The following SLC8A1 variants were observed in gnomAD, a reference collection of about 807,000 sequenced individuals.
SLC8A1 encodes sodium/calcium exchanger 1.
A neutral mutation model predicts 68.3 loss-of-function variants in SLC8A1; 18 were observed. The ratio of observed to expected loss-of-function variants is 0.26; its 90% CI spans 0.18 to 0.39. SLC8A1 has a LOEUF of 0.39. SLC8A1 is among the 10% of genes least tolerant of loss of function. The pLI, the probability that SLC8A1 is intolerant of heterozygous loss-of-function variation, is 1.00. For synonymous variants in SLC8A1, 475 were observed against 415.5 expected, an observed-to-expected ratio of 1.14 and a Z score of -1.74; for missense variants, 985 against 1,156.7, an observed-to-expected ratio of 0.85 and a Z score of 2.15.
chr2:40,165,096 G>GC, intron 4 of SLC8A1, 112 bp from the exon 8 acceptor site: 2 of 1,360,684 alleles, frequency 1.5e-6, no homozygotes, highest in Non-Finnish European at 2.0e-6. Context: ...ACCTACTAAA[G>GC]CCCCCTGGGT....
At chr2:40,169,271 G>A (rs761520515) in intron 4 of SLC8A1, among the ~76,000 whole-genome samples, 2 of 152,150 alleles carry the variant, frequency 1.3e-5, no homozygotes, top group Non-Finnish European at 2.9e-5. Context: ...TACAAACAAC[G>A]TAGAATTTGG....
Position 40,243,102 on chromosome 2 carries a change from C to T in SLC8A1, c.1809-65247G>A, listed in dbSNP as rs185723218. ...GACATTGAAGGCTCATTTCATTGCC[C>T]TTAGTTTCTACATATCATAGCTGTG... On this transcript the variant is annotated intron_variant, in intron 2 of 7. Transcript: ENST00000406785. Among the ~76,000 whole-genome samples, 113 of 152,278 alleles carry T rather than the reference C, an allele frequency of 7.4e-4. 1 individual carries two copies. Among genetic ancestry groups the T allele is most frequent in the African/African-American group, 2.7e-3 (111 of 41,536 alleles).
chr2:40,373,995 C>G (rs546566620), intron 2 of SLC8A1, among the ~76,000 whole-genome samples: 1 of 152,116 alleles, frequency 6.6e-6, no homozygotes, highest in Non-Finnish European at 1.5e-5. Flanking sequence ...GAAGAGGTAT[C>G]AGATACACTC....
At chr2:40,402,163 C>T (rs148748964) in intron 2 of SLC8A1, among the ~76,000 whole-genome samples, 2 of 152,198 alleles carry the variant, frequency 1.3e-5, no homozygotes, top group East Asian at 1.9e-4. Context: ...AAGATGGTGG[C>T]GAAAGTGACT....
chr2:40,323,170 T>C (rs987087702), intron 2 of SLC8A1, among the ~76,000 whole-genome samples: 1 of 152,178 alleles, frequency 6.6e-6, no homozygotes, highest in Non-Finnish European at 1.5e-5. Context: ...CCAGTGTCTT[T>C]ATCATAGAAA....
chr2:40,504,900 G>C (rs1244155198), intron 1 of SLC8A1, among the ~76,000 whole-genome samples: 1 of 151,812 alleles, frequency 6.6e-6, no homozygotes, highest in Non-Finnish European at 1.5e-5. Context: ...ACAGTTTGGA[G>C]GTTCCTCAAA....
At chr2:40,463,857 C>T (rs958385712) in intron 1 of SLC8A1, among the ~76,000 whole-genome samples, 21 of 143,106 alleles carry the variant, frequency 1.5e-4, no homozygotes, top group East Asian at 7.2e-4. Context: ...CACACACACA[C>T]ACACACACAC....
chr2:40,349,320 T>A (rs552218485), intron 2 of SLC8A1, among the ~76,000 whole-genome samples: 1 of 152,086 alleles, frequency 6.6e-6, no homozygotes, highest in Admixed American at 6.6e-5. Context: ...ATCATGGTCA[T>A]TGAGAAAAGA....
At chr2:40,112,115 T>A (rs575324474) in exon 8 of SLC8A1, 2 of 152,802 alleles carry the variant, frequency 1.3e-5, no homozygotes, top group Admixed American at 1.3e-4. Flanking sequence ...TCTGTTTTTT[T>A]CTTTGGATGA....
In SLC8A1 at chr2:40,461,915, C is replaced by CT. The variant is rs1268793892; in HGVS notation, c.-24-31612dup. On this transcript the variant is annotated intron_variant, in intron 1 of 7. Coordinates refer to the SLC8A1 transcript ENST00000402441. Reference sequence around the variant, plus strand: ...GAAATCTAGTGTTGATTTAACAGTACTTGACATTATAAGATATATTTATAA... The same window carrying CT: ...GAAATCTAGTGTTGATTTAACAGTACTTTGACATTATAAGATATATTTATAA... 2.0e-5 allele frequency among the ~76,000 whole-genome samples: 3 copies of CT among 149,642 alleles called. No individual in the cohort carries two copies. The East Asian group carries it at 6.0e-4, about 30-fold the overall frequency.
chr2:40,217,304 T>A (rs1200515100), intron 2 of SLC8A1, among the ~76,000 whole-genome samples: 1 of 152,212 alleles, frequency 6.6e-6, no homozygotes, highest in Non-Finnish European at 1.5e-5. Context: ...GTTGTAGATG[T>A]GTGGTGTTAT....
chr2:40,452,828 T>TG (rs1389206095), upstream of SLC8A1, among the ~76,000 whole-genome samples: 1 of 151,734 alleles, frequency 6.6e-6, no homozygotes, highest in African/African-American at 2.4e-5. Context: ...CCCTCAAAGA[T>TG]GCGTTTCACC....
intron 4 of SLC8A1, among the ~76,000 whole-genome samples, chr2:40,165,796 A>AG (rs1233712108): frequency 4.6e-5 from 7 of 152,290 alleles, no homozygotes; most frequent in Admixed American, 1.3e-4. Context: ...CCCATTAATG[A>AG]GGGGAAGCTC....
chr2:40,451,239 G>C (rs1011469862), intron 1 of SLC8A1, among the ~76,000 whole-genome samples: 2 of 152,166 alleles, frequency 1.3e-5, no homozygotes, highest in African/African-American at 4.8e-5. Context: ...CTTGGGGAAA[G>C]ATGCCTGTGT....
At chr2:40,358,510 G>A (rs1234388578) in intron 2 of SLC8A1, among the ~76,000 whole-genome samples, 1 of 152,178 alleles carries the variant, frequency 6.6e-6, no homozygotes, top group African/African-American at 2.4e-5. Flanking sequence ...GGGATTTGGA[G>A]TAAGAACATC....
chr2:40,203,774 T>C (rs976410746), intron 2 of SLC8A1, among the ~76,000 whole-genome samples: 4 of 152,018 alleles, frequency 2.6e-5, no homozygotes, highest in Non-Finnish European at 5.9e-5. Context: ...GACATGACCA[T>C]GGCTCACTGC....
chr2:40,416,736 G>A (rs1694000966), intron 2 of SLC8A1, among the ~76,000 whole-genome samples: 1 of 152,016 alleles, frequency 6.6e-6, no homozygotes, highest in African/African-American at 2.4e-5. Flanking sequence ...TGGAACTCCT[G>A]ACTCCTAAAT....
rs545214415 is a variant in SLC8A1, at chr2:40,505,270, A to G, written c.-25+7079T>C. Among the ~76,000 whole-genome samples, 14 of 152,010 alleles carry G rather than the reference A, an allele frequency of 9.2e-5. No individual in the cohort carries two copies. In the South Asian group the frequency reaches 2.5e-3, roughly 27 times the overall value. On this transcript the variant is annotated intron_variant, in intron 1 of 7. Coordinates refer to the SLC8A1 transcript ENST00000402441. ...TTAGAAAGAATGAATAAGATCTACT[A>G]TTTGCTAGCACATCAGGGTGACTGT...
intron 1 of SLC8A1, among the ~76,000 whole-genome samples, chr2:40,496,216 G>A (rs965587186): frequency 6.6e-6 from 1 of 152,074 alleles, no homozygotes; most frequent in African/African-American, 2.4e-5. Flanking sequence ...TAAATAAACA[G>A]ATTACTTGGC....
Sources: allele counts gnomAD v4.1 joint callset (sites outside exome capture counted in the v4.1 genomes callset), GRCh38; gene constraint gnomAD v4.1.1; transcripts MANE v1.5; gene names NCBI Gene and HGNC (gene_info 2026-07-23, HGNC 2026-07-21).